PAM: variants seen among roughly 807,000 people sequenced by gnomAD.
PAM encodes the protein peptidylglycine alpha-amidating monooxygenase.
PAM carries 72 observed loss-of-function variants against 122.1 expected under a neutral mutation model. The ratio of observed to expected loss-of-function variants is 0.59; its 90% CI spans 0.49 to 0.72. The LOEUF (loss-of-function observed/expected upper bound fraction) is 0.72. Ranked by LOEUF, PAM falls within the 30% of genes least tolerant of loss-of-function variation. PAM has a pLI of 0.00. For missense variants in PAM, 1,106 were observed against 1,183.7 expected (o/e 0.93, Z 0.96); for synonymous variants, 389 against 404.4 (o/e 0.96, Z 0.46).
chr5:102,990,498 G>GT (rs1773725850), intron 16 of PAM, 97 bp downstream of exon 16: 4 of 909,708 alleles, frequency 4.4e-6, no homozygotes, highest in East Asian at 5.8e-5. Flanking sequence ...AACTATAAAG[G>GT]TTTTTTAGAA....
intron 4 of PAM, among the ~76,000 whole-genome samples, chr5:102,907,741 C>T (rs1046111183): frequency 6.6e-6 from 1 of 152,122 alleles, no homozygotes; most frequent in African/African-American, 2.4e-5. Flanking sequence ...AGCATTTTTT[C>T]ATGTGCTTTT....
intron 1 of PAM, among the ~76,000 whole-genome samples, chr5:102,825,530 T>C (rs933866365): frequency 6.6e-6 from 1 of 151,978 alleles, no homozygotes; most frequent in Non-Finnish European, 1.5e-5. Flanking sequence ...TAATATAGAG[T>C]CATGAGAAAC....
chr5:102,867,415 A>G, intron 3 of PAM, 22 bp downstream of exon 3: 1 of 1,582,088 alleles, frequency 6.3e-7, no homozygotes, highest in Non-Finnish European at 8.7e-7. Flanking sequence ...TTTGTCTTTC[A>G]TTATTCACTT....
At position 102,839,786 on chromosome 5, in the gene PAM, T is replaced by A. The variant is rs116187039; in HGVS notation, c.-373-26037T>A. ...CATTAATAGATTAAAAGAGAAAAAA[T>A]TATTTTTTAATGGTTTTACCAAAAA... On this transcript the variant is annotated intron_variant, in intron 1 of 25. Transcript: ENST00000438793. 5.7e-3 allele frequency among the ~76,000 whole-genome samples: 860 copies of A among 152,138 alleles called. 10 individuals carry two copies. The highest frequency in any genetic ancestry group is 0.02 in the African/African-American group (813 of 41,516).
chr5:102,914,425 TC>T (rs1288643399), intron 5 of PAM, among the ~76,000 whole-genome samples: 6 of 152,196 alleles, frequency 3.9e-5, no homozygotes, highest in African/African-American at 1.4e-4. Flanking sequence ...TCCCCTGGAA[TC>T]TAAAATAAAA....
intron 1 of PAM, among the ~76,000 whole-genome samples, chr5:102,836,587 A>G (rs1382097278): frequency 1.3e-5 from 2 of 152,112 alleles, no homozygotes; most frequent in Non-Finnish European, 2.9e-5. Flanking sequence ...TGAGGGATTG[A>G]TGCCATGGGT....
chr5:103,030,803 G>GTGATCTTTAT (rs1786133825), downstream of PAM: 6 of 152,334 alleles, frequency 3.9e-5, no homozygotes, highest in South Asian at 1.2e-3. Flanking sequence ...TCTTTATTTA[G>GTGATCTTTAT]TTGGCTTACA....
chr5:102,794,082 C>T (rs1176968716), intron 1 of PAM, among the ~76,000 whole-genome samples: 3 of 152,032 alleles, frequency 2.0e-5, no homozygotes, highest in Non-Finnish European at 4.4e-5. Flanking sequence ...TTATCCTTGG[C>T]CAGCTACCCC....
intron 1 of PAM, among the ~76,000 whole-genome samples, chr5:102,842,134 C>T (rs1778808946): frequency 6.6e-6 from 1 of 151,212 alleles, no homozygotes; most frequent in Non-Finnish European, 1.5e-5. Flanking sequence ...GAGAGAAGGA[C>T]TTACAAAAGG....
At chr5:102,877,015 G>A (rs1789439471) in intron 3 of PAM, among the ~76,000 whole-genome samples, 1 of 152,182 alleles carries the variant, frequency 6.6e-6, no homozygotes, top group African/African-American at 2.4e-5. Context: ...GCCTGGCTAT[G>A]GTTTAGTCAA....
At chr5:103,002,419 T>A (rs894659157) in intron 16 of PAM, among the ~76,000 whole-genome samples, 2 of 152,160 alleles carry the variant, frequency 1.3e-5, no homozygotes, top group African/African-American at 2.4e-5. Flanking sequence ...ATAGAATAGC[T>A]GTTATTTGGT....
chr5:102,894,681 C>T (rs1448761804), intron 3 of PAM, among the ~76,000 whole-genome samples: 1 of 151,696 alleles, frequency 6.6e-6, no homozygotes, highest in African/African-American at 2.4e-5. Flanking sequence ...TGCTCAAATT[C>T]AACATGTTCA....
At chr5:103,008,309 G>T (rs1779638154) in intron 20 of PAM, among the ~76,000 whole-genome samples, 1 of 151,530 alleles carries the variant, frequency 6.6e-6, no homozygotes, top group Non-Finnish European at 1.5e-5. Flanking sequence ...AATTGTAATT[G>T]ACATAGTAAT....
intron 1 of PAM, among the ~76,000 whole-genome samples, chr5:102,775,485 T>C (rs1037797329): frequency 6.6e-6 from 1 of 152,076 alleles, no homozygotes; most frequent in Admixed American, 6.6e-5. Context: ...ATCCTGATGC[T>C]CTCCCTCCCC....
chr5:103,016,651 A>G (rs1782085436), intron 21 of PAM, among the ~76,000 whole-genome samples: 1 of 152,088 alleles, frequency 6.6e-6, no homozygotes, highest in South Asian at 2.1e-4. Flanking sequence ...AGAAAGATAT[A>G]TTAAAATACA....
intron 14 of PAM, among the ~76,000 whole-genome samples, chr5:102,968,633 A>G (rs1227075335): frequency 6.6e-6 from 1 of 152,178 alleles, no homozygotes; most frequent in Non-Finnish European, 1.5e-5. Context: ...GCCTAGTATA[A>G]ATATTATTAA....
intron 14 of PAM, among the ~76,000 whole-genome samples, chr5:102,963,127 C>G (rs1015411195): frequency 1.3e-5 from 2 of 151,784 alleles, no homozygotes; most frequent in African/African-American, 4.8e-5. Context: ...AAGACAGTAG[C>G]CTAACCAAAA....
chr5:102,974,475 T>C, intron 15 of PAM, 39 bp downstream of exon 15: 1 of 1,368,078 alleles, frequency 7.3e-7, no homozygotes, highest in Non-Finnish European at 1.0e-6. Context: ...AAGTGTGAAA[T>C]GCTACAATCC....
intron 3 of PAM, among the ~76,000 whole-genome samples, chr5:102,898,175 T>C (rs1254382879): frequency 6.6e-6 from 1 of 151,556 alleles, no homozygotes; most frequent in Non-Finnish European, 1.5e-5. Flanking sequence ...ATCATATCCC[T>C]CTCGATTCAG....
Sources: gnomAD v4.1 joint callset for allele counts (sites outside exome capture counted in the v4.1 genomes callset) on GRCh38, gnomAD v4.1.1 for gene constraint, MANE v1.5 for transcripts, NCBI Gene and HGNC (gene_info 2026-07-23, HGNC 2026-07-21) for gene names.